The following NMT2 variants were observed in gnomAD, a reference collection of about 807,000 sequenced individuals.
The protein encoded by NMT2 is glycylpeptide N-tetradecanoyltransferase 2.
NMT2 carries 35 observed loss-of-function variants against 65.4 expected under a neutral mutation model. The ratio of observed to expected loss-of-function variants is 0.54; its 90% CI spans 0.41 to 0.71. The LOEUF is 0.71. NMT2 is among the 30% of genes least tolerant of loss of function. NMT2 has a pLI of 0.00. For missense variants in NMT2, 489 were observed against 611.3 expected (o/e 0.80, Z 2.11); for synonymous variants, 226 against 231.8 (o/e 0.98, Z 0.23).
At chr10:15,131,458 G>C (rs1846283768) in intron 6 of NMT2, among the ~76,000 whole-genome samples, 1 of 151,924 alleles carries the variant, frequency 6.6e-6, no homozygotes, top group Non-Finnish European at 1.5e-5. Context: ...CCGTCTTTAA[G>C]TTTCTAGATC....
At chr10:15,136,131 G>A (rs1013519100) in intron 2 of NMT2, among the ~76,000 whole-genome samples, 5 of 151,832 alleles carry the variant, frequency 3.3e-5, no homozygotes, top group African/African-American at 1.2e-4. Flanking sequence ...TGAGGAGGGA[G>A]AATCGCTTGA....
intron 1 of NMT2, among the ~76,000 whole-genome samples, chr10:15,147,452 T>A (rs1387444686): frequency 1.3e-5 from 2 of 151,938 alleles, no homozygotes; most frequent in Non-Finnish European, 2.9e-5. Context: ...GAAGAACAGA[T>A]AAACAGGTCC....
At position 15,168,443 on chromosome 10, in the gene NMT2, G is replaced by GACCGTGGCGCGCGCGGTCCCC. The variant is rs1418913429; in HGVS notation, c.110+39_110+59dup. 21 of 1,299,198 alleles carry GACCGTGGCGCGCGCGGTCCCC rather than the reference G, an allele frequency of 1.6e-5. No individual in the cohort carries two copies. In the African/African-American group the frequency reaches 2.6e-4, roughly 16 times the overall value. The allele number at this position is 1,299,198 out of a possible 1,614,324, so 80.5% of individuals were successfully genotyped here. A position where few individuals can be genotyped will look rare whatever the true frequency, so the allele number is the denominator to read the frequency against. ...TCCTGGGAGCCACCCCCGAACGGGA[G>GACCGTGGCGCGCGCGGTCCCC]ACCGTGGCGCGCGCGGTCCCCGCCC... On this transcript the variant is annotated intron_variant, in intron 1 of 11. Transcript: ENST00000378165.
At chr10:15,115,949 T>C (rs1200424909) in intron 9 of NMT2, among the ~76,000 whole-genome samples, 1 of 152,076 alleles carries the variant, frequency 6.6e-6, no homozygotes. Context: ...AAACTGACAG[T>C]GTTGGAAGGA....
At position 15,138,482 on chromosome 10, in the gene NMT2, T is replaced by C. The variant is rs972241194; in HGVS notation, c.246+2940A>G. Reference sequence around the variant, plus strand: ...TGCATCAGGCAAGGTGAGATGAATATCTACCCGACATTAACTTCCCACGAT... The same window carrying C: ...TGCATCAGGCAAGGTGAGATGAATACCTACCCGACATTAACTTCCCACGAT... On this transcript the variant is annotated intron_variant, in intron 2 of 11. Coordinates refer to ENST00000378165, the MANE Select transcript of NMT2 (RefSeq NM_004808.3). 2.3e-5 allele frequency: 11 copies of C among 470,976 alleles called. No individual in the cohort carries two copies. In the Admixed American group the frequency reaches 2.4e-4, roughly 10 times the overall value. 29.2% of individuals were successfully genotyped at this position (470,976 alleles called of 1,614,324 possible).
At position 15,106,744 on chromosome 10, in the gene NMT2, C is replaced by T; in HGVS notation, c.*2451G>A. ...AATATCTTAGGCTTTGCAGGCCACACAATCTGTCACAACAACTCAACTCAG... is the reference window on the plus strand; with the variant it reads ...AATATCTTAGGCTTTGCAGGCCACATAATCTGTCACAACAACTCAACTCAG... On this transcript the variant is annotated 3_prime_UTR_variant, in exon 12 of 12. Coordinates refer to ENST00000378165, the MANE Select transcript of NMT2 (RefSeq NM_004808.3). The T allele has an allele frequency of 1.5e-6, 1 of 671,536 alleles. No individual in the cohort carries two copies. The highest frequency in any genetic ancestry group is 1.8e-6 in the Non-Finnish European group (1 of 543,234). 41.6% of individuals were successfully genotyped at this position (671,536 alleles called of 1,614,324 possible). A position where few individuals can be genotyped will look rare whatever the true frequency, so the allele number is the denominator to read the frequency against.
chr10:15,107,405 T>C lies in NMT2; in HGVS notation c.*1790A>G. 1 of 985,462 alleles carries C rather than the reference T, an allele frequency of 1.0e-6. No homozygotes were observed. The highest frequency in any genetic ancestry group is 4.7e-5 in the South Asian group (1 of 21,290). 61.0% of individuals were successfully genotyped at this position (985,462 alleles called of 1,614,324 possible). ...TGCCATCATGTCTAAAACAATTAAC[T>C]TCTGCACTGAACTTCCTAGGCACTG... On this transcript the variant is annotated 3_prime_UTR_variant, in exon 12 of 12. Transcript: ENST00000378165.
Position 15,130,287 on chromosome 10 carries a change from A to G in NMT2, c.745T>C (p.Phe249Leu), listed in dbSNP as rs1846232619. 8.8e-6 allele frequency: 14 copies of G among 1,596,622 alleles called. No homozygotes were observed. The highest frequency in any genetic ancestry group is 1.1e-5 in the Non-Finnish European group (13 of 1,170,658). The change falls in exon 7 of 12, where the codon TTT becomes CTT. Residue 249 changes from phenylalanine (F) to leucine (L), a missense_variant. Transcript: ENST00000378165. ...DSVKKMVEIN[F>L]LCVHKKLRSK... Reference sequence around the variant, plus strand: ...CTCAACTTCTTATGAACACAAAGAAAGTTGATTTCTACCATCTTCTTCACA... The same window carrying G: ...CTCAACTTCTTATGAACACAAAGAAGGTTGATTTCTACCATCTTCTTCACA...
chr10:15,155,602 C>T (rs750318905), intron 1 of NMT2, among the ~76,000 whole-genome samples: 8 of 125,270 alleles, frequency 6.4e-5, no homozygotes, highest in Non-Finnish European at 1.1e-4. Context: ...AGACTGATCT[C>T]GAACTCCTGG....
chr10:15,109,597 A>ATAAC, intron 11 of NMT2, 105 bp downstream of exon 11: 1 of 890,036 alleles, frequency 1.1e-6, no homozygotes, highest in Non-Finnish European at 1.6e-6. Flanking sequence ...AAATAAATAA[A>ATAAC]ATGAACAAAA....
At chr10:15,129,968 CT>C (rs35138374) in intron 7 of NMT2, among the ~76,000 whole-genome samples, 173 bp downstream of exon 7, 5 of 139,580 alleles carry the variant, frequency 3.6e-5, no homozygotes, top group Admixed American at 2.8e-4. Flanking sequence ...ATGTCAAAAA[CT>C]TTTTTTTAAT....
intron 2 of NMT2, chr10:15,141,037 G>A: frequency 3.2e-6 from 5 of 1,550,308 alleles, no homozygotes; most frequent in Non-Finnish European, 4.4e-6. Context: ...GTGCTATTCA[G>A]GTAATTAGAC....
chr10:15,119,268 GT>G, intron 9 of NMT2, 74 bp downstream of exon 9: 1 of 1,297,576 alleles, frequency 7.7e-7, no homozygotes, highest in Non-Finnish European at 1.1e-6. Flanking sequence ...GGAAGTGTGT[GT>G]AAATAATTCT....
At chr10:15,125,645 T>TGTATGTAC (rs1487672910) in intron 8 of NMT2, among the ~76,000 whole-genome samples, 1 of 152,180 alleles carries the variant, frequency 6.6e-6, no homozygotes, top group Non-Finnish European at 1.5e-5. Context: ...TATGTATGTA[T>TGTATGTAC]GTATGTACGT....
chr10:15,165,956 G>A (rs955283756), intron 1 of NMT2, among the ~76,000 whole-genome samples: 2 of 150,716 alleles, frequency 1.3e-5, no homozygotes, highest in South Asian at 2.1e-4. Flanking sequence ...TAATACTTAC[G>A]CCATTGCTTT....
intron 1 of NMT2, among the ~76,000 whole-genome samples, chr10:15,153,798 C>T (rs1016196069): frequency 1.3e-5 from 2 of 151,820 alleles, no homozygotes; most frequent in Non-Finnish European, 2.9e-5. Flanking sequence ...TACAGGTGCC[C>T]GCCACCACGC....
intron 1 of NMT2, among the ~76,000 whole-genome samples, chr10:15,147,697 T>G (rs7073900): frequency 0.073 from 10,990 of 151,176 alleles, 969 homozygotes; most frequent in African/African-American, 0.22. Context: ...ACCTTAAAAG[T>G]GAAGGTGGTG....
In NMT2 at chr10:15,108,999, T is replaced by TA. The variant is rs1410321985; in HGVS notation, c.*195dup. ...ATCCCTCCCACAAATAGGTCAACAG[T>TA]AAAAAAAGGATGAAGTTTAACATTC... On this transcript the variant is annotated 3_prime_UTR_variant, in exon 12 of 12. Coordinates refer to ENST00000378165, the MANE Select transcript of NMT2 (RefSeq NM_004808.3). The TA allele has an allele frequency of 2.9e-6, 4 of 1,363,552 alleles. No individual in the cohort carries two copies. The highest frequency in any genetic ancestry group is 3.0e-5 in the African/African-American group (2 of 66,002). The allele number at this position is 1,363,552 out of a possible 1,614,324, so 84.5% of individuals were successfully genotyped here.
At chr10:15,151,059 C>CTTTTTT (rs200879621) in intron 1 of NMT2, among the ~76,000 whole-genome samples, 7,538 of 139,618 alleles carry the variant, frequency 0.054, 386 homozygotes, top group African/African-American at 0.13. Context: ...TAGCTTCCTC[C>CTTTTTT]TTTTTTTTTT....
Sources: allele counts gnomAD v4.1 joint callset (sites outside exome capture counted in the v4.1 genomes callset), GRCh38; gene constraint gnomAD v4.1.1; transcripts MANE v1.5; gene names NCBI Gene and HGNC (gene_info 2026-07-23, HGNC 2026-07-21).